The following HMGXB3 variants were observed in gnomAD, a reference collection of about 807,000 sequenced individuals.
HMGXB3 encodes HMG domain-containing protein 3.
Under a neutral mutation model 121.5 loss-of-function variants are expected in HMGXB3, and 45 were observed. The observed-to-expected ratio is 0.37, with a 90% CI of 0.29 to 0.47. The LOEUF (loss-of-function observed/expected upper bound fraction) is 0.47. Among genes scored for constraint, HMGXB3 ranks in the 20% least tolerant of loss-of-function variants. The pLI is 0.99. For synonymous variants in HMGXB3, 590 were observed against 624.1 expected, an observed-to-expected ratio of 0.95 and a Z score of 0.81; for missense variants, 1,376 against 1,602.2, an observed-to-expected ratio of 0.86 and a Z score of 2.41.
In HMGXB3 at chr5:150,010,166, A is replaced by G; in HGVS notation, c.368A>G (p.Lys123Arg). The G allele has an allele frequency of 6.4e-7, 1 of 1,551,724 alleles. No homozygotes were observed. The highest frequency in any genetic ancestry group is 8.7e-7 in the Non-Finnish European group (1 of 1,146,996). Residue 123 changes from lysine to arginine, a missense_variant, in exon 4 of 20, where the codon AAG becomes AGG. Physicochemically the swap from Lys to Arg is conservative, Grantham distance 26 (BLOSUM62 2). This residue lies in a region of HMGXB3 where 1,116 missense variants were observed against 1,369.0 expected (regional missense o/e 0.82). Coordinates refer to ENST00000502717, the MANE Select transcript of HMGXB3 (RefSeq NM_014983.3). ...AVVPDIPGFR[K>R]ILPRSDYIII... is the part of the protein sequence containing the mutation. ...GTTCCGGACATCCCAGGTTTCCGCA[A>G]GATCCTCCCACGCTCAGATTATATC...
At chr5:150,038,851 G>A (rs941899222) in intron 13 of HMGXB3, among the ~76,000 whole-genome samples, 1 of 152,228 alleles carries the variant, frequency 6.6e-6, no homozygotes, top group African/African-American at 2.4e-5. Context: ...CCCATGGGAG[G>A]ATATTTGGTT....
chr5:150,029,852 C>G (rs1388493893), intron 9 of HMGXB3, among the ~76,000 whole-genome samples: 2 of 152,176 alleles, frequency 1.3e-5, no homozygotes, highest in Non-Finnish European at 2.9e-5. Flanking sequence ...TGTGGCAGCT[C>G]TGGGTGTATG....
At chr5:150,026,043 G>A (rs1310912293) in intron 7 of HMGXB3, among the ~76,000 whole-genome samples, 1 of 151,422 alleles carries the variant, frequency 6.6e-6, no homozygotes, top group African/African-American at 2.4e-5. Flanking sequence ...TGTTAGCCAG[G>A]ATGGTCTTGA....
At chr5:150,049,418 C>CG (rs958960888) in intron 18 of HMGXB3, among the ~76,000 whole-genome samples, 2 of 151,694 alleles carry the variant, frequency 1.3e-5, no homozygotes, top group African/African-American at 2.4e-5. Context: ...AAACCCCCCC[C>CG]CTTAACAGGT....
At chr5:150,039,920 C>T (rs1436250449) in intron 13 of HMGXB3, among the ~76,000 whole-genome samples, 1 of 152,136 alleles carries the variant, frequency 6.6e-6, no homozygotes, top group Non-Finnish European at 1.5e-5. Context: ...ATAAAATCAC[C>T]CACTTTTATT....
At chr5:150,049,894 C>T (rs752654650) in intron 18 of HMGXB3, among the ~76,000 whole-genome samples, 8 of 152,228 alleles carry the variant, frequency 5.3e-5, no homozygotes, top group Non-Finnish European at 1.2e-4. Flanking sequence ...ACCTCGGGCC[C>T]AGGCATCTCC....
At chr5:150,005,254 A>G (rs572657624) in intron 2 of HMGXB3, among the ~76,000 whole-genome samples, 1 of 152,360 alleles carries the variant, frequency 6.6e-6, no homozygotes, top group East Asian at 1.9e-4. Flanking sequence ...ATTTATTATT[A>G]TGCCATTGTT....
In HMGXB3 at chr5:150,037,520, C is replaced by G. The variant is rs1407527402; in HGVS notation, c.2406C>G (p.Ile802Met). The part of the protein sequence containing the change: ...HCLALHSFID[I>M]YTGLFNVGNK... ...TGGCCCTGCACAGCTTCATAGACAT[C>G]TACACAGGTGGGTGCCAACCTTCTC... is the stretch of plus-strand genomic sequence containing the variant. The change falls in exon 13 of 20, where the codon ATC (isoleucine) becomes ATG (methionine). Residue 802 changes from isoleucine to methionine, a missense_variant. Ile to Met is a conservative substitution (Grantham distance 10, BLOSUM62 1). Around this residue, in one of 2 missense-constraint regions of HMGXB3, gnomAD observed 1,116 missense variants for 1,369.0 expected, o/e 0.82. Coordinates refer to ENST00000502717, the MANE Select transcript of HMGXB3 (RefSeq NM_014983.3). The G allele has an allele frequency of 6.5e-7, 1 of 1,542,930 alleles. No homozygotes were observed. Among genetic ancestry groups the G allele is most frequent in the African/African-American group, 1.4e-5 (1 of 72,786 alleles).
intron 3 of HMGXB3, among the ~76,000 whole-genome samples, chr5:150,009,782 A>G (rs769392649): frequency 6.6e-6 from 1 of 152,198 alleles, no homozygotes; most frequent in Non-Finnish European, 1.5e-5. Flanking sequence ...AGGAGGGGAA[A>G]GGATTTGCTC....
At chr5:150,050,943 G>A (rs1200340050) in intron 19 of HMGXB3, among the ~76,000 whole-genome samples, 1 of 152,134 alleles carries the variant, frequency 6.6e-6, no homozygotes, top group African/African-American at 2.4e-5. Context: ...CATATTAAAG[G>A]CCCCAGCCAG....
At chr5:150,047,262 G>A (rs1213622777) in intron 16 of HMGXB3, among the ~76,000 whole-genome samples, 1 of 152,168 alleles carries the variant, frequency 6.6e-6, no homozygotes, top group African/African-American at 2.4e-5. Context: ...GGAACGTTGT[G>A]TAGAGGGCAC....
At position 150,037,389 on chromosome 5, in the gene HMGXB3, T is replaced by A. The variant is rs1301117676; in HGVS notation, c.2286-11T>A. 2 of 1,528,578 alleles carry A rather than the reference T, an allele frequency of 1.3e-6. No individual in the cohort carries two copies. Among genetic ancestry groups the A allele is most frequent in the African/African-American group, 1.4e-5 (1 of 71,822 alleles). The allele number at this position is 1,528,578 out of a possible 1,614,324, so 94.7% of individuals were successfully genotyped here. A position where few individuals can be genotyped will look rare whatever the true frequency, so the allele number is the denominator to read the frequency against. On this transcript the variant is annotated splice_polypyrimidine_tract_variant and intron_variant, in intron 12 of 19. Coordinates refer to ENST00000502717, the MANE Select transcript of HMGXB3 (RefSeq NM_014983.3). ...CTTCTTTTTTTTTGTTGGTGATGTT[T>A]CTGGTACTAGCTCCCTGGCTGGGCC...
intron 11 of HMGXB3, among the ~76,000 whole-genome samples, chr5:150,033,585 C>T (rs945134206): frequency 1.4e-4 from 22 of 151,946 alleles, no homozygotes; most frequent in African/African-American, 3.4e-4. Context: ...AGGGGTGTTA[C>T]GGAAAATAAG....
At chr5:150,007,980 C>T (rs117929221) in intron 3 of HMGXB3, among the ~76,000 whole-genome samples, 6 of 151,026 alleles carry the variant, frequency 4.0e-5, no homozygotes, top group East Asian at 2.0e-4. Context: ...TCACTTGAGC[C>T]GGGGAAGTGG....
At chr5:150,031,566 T>A (rs536584655) in intron 10 of HMGXB3, among the ~76,000 whole-genome samples, 45 of 152,378 alleles carry the variant, frequency 3.0e-4, no homozygotes, top group Admixed American at 2.2e-3. Flanking sequence ...CATCTGTCAC[T>A]CTCAACATTC....
intron 2 of HMGXB3, 116 bp downstream of exon 2, chr5:150,005,105 T>C (rs1321182233): frequency 2.3e-5 from 30 of 1,332,774 alleles, no homozygotes; most frequent in Non-Finnish European, 2.9e-5. Context: ...TGAAGTCCTG[T>C]GTCGAGGGAT....
At chr5:150,021,637 A>G (rs1756095979) in intron 6 of HMGXB3, 2 of 521,850 alleles carry the variant, frequency 3.8e-6, no homozygotes, top group Admixed American at 2.0e-5. Flanking sequence ...TTGCTTAACA[A>G]TCTCAGAAGG....
intron 6 of HMGXB3, among the ~76,000 whole-genome samples, chr5:150,020,431 T>A (rs1304189398): frequency 6.6e-6 from 1 of 152,204 alleles, no homozygotes; most frequent in East Asian, 1.9e-4. Context: ...GCGAAACAGG[T>A]CTCAAATGAC....
chr5:150,045,109 C>T (rs1756726981), intron 15 of HMGXB3, among the ~76,000 whole-genome samples: 1 of 152,196 alleles, frequency 6.6e-6, no homozygotes. Context: ...CCTCAGCCAT[C>T]CCCAGACTTG....
Sources: gnomAD v4.1 joint callset for allele counts (sites outside exome capture counted in the v4.1 genomes callset) on GRCh38, gnomAD v4.1.1 for gene constraint, gnomAD v4.1.1 regional missense constraint, MANE v1.5 for transcripts, NCBI Gene and HGNC (gene_info 2026-07-23, HGNC 2026-07-21) for gene names.